The following MAP4 variants were observed in gnomAD, a reference collection of about 807,000 sequenced individuals.
MAP4 encodes microtubule-associated protein 4.
Under a neutral mutation model 170.2 loss-of-function variants are expected in MAP4, and 76 were observed. That is an observed-to-expected ratio of 0.45 (90% CI 0.37 to 0.54). The LOEUF (loss-of-function observed/expected upper bound fraction) is 0.54. MAP4 is among the 20% of genes least tolerant of loss of function. MAP4 has a pLI of 0.00. For synonymous variants in MAP4, 909 were observed against 994.5 expected (o/e 0.91, Z 1.62); for missense variants, 2,506 against 2,748.0 (o/e 0.91, Z 1.97).
At chr3:48,014,836 G>T (rs1426545944) in intron 1 of MAP4, among the ~76,000 whole-genome samples, 1 of 152,154 alleles carries the variant, frequency 6.6e-6, no homozygotes, top group Non-Finnish European at 1.5e-5. Flanking sequence ...TAATTTAAAA[G>T]TGGGTAAGAA....
At chr3:47,884,465 A>C (rs1195554974) in intron 10 of MAP4, among the ~76,000 whole-genome samples, 1 of 152,180 alleles carries the variant, frequency 6.6e-6, no homozygotes, top group African/African-American at 2.4e-5. Context: ...TTTAGCATGC[A>C]ATCACCCTGT....
Position 47,916,159 on chromosome 3 carries a change from T to C in MAP4, c.1668A>G (p.Ala556=), listed in dbSNP as rs1489500962. 3.1e-6 allele frequency: 5 copies of C among 1,614,046 alleles called. No homozygotes were observed. Among genetic ancestry groups the C allele is most frequent in the African/African-American group, 1.3e-5 (1 of 74,922 alleles). ...TCAGAACCCCATCCTTAGCCAGGGG[T>C]GCTTCTGTTTTGAGGGCTGGGACCT... ...EDQVPALKTE[A]PLAKDGVLTL... The change falls in exon 7 of 21, where the codon GCA becomes GCG. Residue 556 remains alanine, a synonymous_variant. Transcript: ENST00000683076.
chr3:47,975,116 T>C, intron 3 of MAP4: 1 of 1,076,174 alleles, frequency 9.3e-7, no homozygotes, highest in Non-Finnish European at 1.1e-6. Context: ...AGGAAAAAAA[T>C]GTGAGAATGA....
intron 1 of MAP4, among the ~76,000 whole-genome samples, chr3:48,029,718 G>A (rs913719434): frequency 6.6e-6 from 1 of 152,096 alleles, no homozygotes; most frequent in Non-Finnish European, 1.5e-5. Context: ...AAAAGAGGTA[G>A]GTCGGGCACG....
intron 3 of MAP4, among the ~76,000 whole-genome samples, chr3:47,947,266 G>A (rs2100060650): frequency 6.6e-6 from 1 of 152,168 alleles, no homozygotes; most frequent in African/African-American, 2.4e-5. Context: ...AGCAGGGTCA[G>A]TGGGTCCTTG....
At chr3:47,988,410 A>T (rs1001689412) in intron 2 of MAP4, among the ~76,000 whole-genome samples, 3 of 152,146 alleles carry the variant, frequency 2.0e-5, no homozygotes, top group African/African-American at 7.2e-5. Flanking sequence ...TAACAGAAAA[A>T]GAGCAGACAA....
chr3:47,891,842 A>G, intron 10 of MAP4: 1 of 1,536,244 alleles, frequency 6.5e-7, no homozygotes, highest in Non-Finnish European at 8.7e-7. Flanking sequence ...TACCACCCCA[A>G]TCACTGGGCA....
In MAP4 at chr3:47,928,318, C is replaced by T; in HGVS notation, c.325G>A (p.Ala109Thr). Reference protein sequence around the residue: ...SPTEFLEEKMAYQEYPNSQNW... With the variant: ...SPTEFLEEKMTYQEYPNSQNW... ...TGGCTATTTGGGTATTCCTGGTAGG[C>T]CATTTTCTCTTCAAGGAATTCAGTT... The change falls in exon 4 of 21, where the codon GCC becomes ACC. Residue 109 changes from alanine to threonine, a missense_variant. Coordinates refer to ENST00000683076, the MANE Select transcript of MAP4 (RefSeq NM_001385682.1). 2 of 1,614,056 alleles carry T rather than the reference C, an allele frequency of 1.2e-6. No individual in the cohort carries two copies. Among genetic ancestry groups the T allele is most frequent in the South Asian group, 1.1e-5 (1 of 91,070 alleles).
rs1003363022 is a variant in MAP4, at chr3:47,914,816, C to A, written c.1999+1G>T. ...GAGTTCATTTTGTTTTCCTAACTTA[C>A]CTGAGGTCTCTGAAGAAAGCTCAGA... On this transcript the variant is annotated splice_donor_variant, in intron 8 of 20. Transcript: ENST00000683076. LOFTEE classifies it high-confidence loss of function. 5.9e-5 allele frequency: 96 copies of A among 1,614,010 alleles called. No homozygotes were observed. Among genetic ancestry groups the A allele is most frequent in the Non-Finnish European group, 7.7e-5 (91 of 1,180,032 alleles).
chr3:47,985,354 C>T (rs894142385), intron 2 of MAP4, among the ~76,000 whole-genome samples: 4 of 151,998 alleles, frequency 2.6e-5, no homozygotes, highest in Non-Finnish European at 5.9e-5. Context: ...TGGAAGACTG[C>T]TTGAGCCTGG....
chr3:47,964,462 G>A (rs2100073619), intron 3 of MAP4, among the ~76,000 whole-genome samples: 1 of 152,166 alleles, frequency 6.6e-6, no homozygotes, highest in Non-Finnish European at 1.5e-5. Flanking sequence ...TTCCATTTAA[G>A]GAGATGGGGA....
chr3:47,978,009 T>C, intron 2 of MAP4, 76 bp from the exon 3 acceptor site: 3 of 953,010 alleles, frequency 3.1e-6, no homozygotes, highest in Non-Finnish European at 5.1e-6. Context: ...GTCTTATTAA[T>C]GGAGTTTTTC....
chr3:47,874,916 T>C (rs952402723), intron 12 of MAP4, among the ~76,000 whole-genome samples: 2 of 151,012 alleles, frequency 1.3e-5, no homozygotes, highest in African/African-American at 5.0e-5. Context: ...ACTATCAGGC[T>C]GACCTAAAGG....
intron 7 of MAP4, 44 bp downstream of exon 7, chr3:47,915,907 C>T: frequency 3.2e-6 from 5 of 1,562,008 alleles, no homozygotes; most frequent in Non-Finnish European, 4.3e-6. Flanking sequence ...CTCGAGACTA[C>T]AACCTGGTAG....
intron 9 of MAP4, among the ~76,000 whole-genome samples, chr3:47,904,086 T>C (rs745486282): frequency 3.3e-5 from 5 of 152,210 alleles, no homozygotes; most frequent in Non-Finnish European, 5.9e-5. Flanking sequence ...TTCCGGAAGC[T>C]TCTGAAGCAA....
At chr3:47,930,410 A>G (rs1179975234) in intron 3 of MAP4, among the ~76,000 whole-genome samples, 3 of 150,530 alleles carry the variant, frequency 2.0e-5, no homozygotes, top group African/African-American at 7.3e-5. Context: ...GCGCCACTGC[A>G]GTCCGCAGTC....
chr3:47,908,603 T>G (rs1392963294), intron 9 of MAP4, among the ~76,000 whole-genome samples: 1 of 152,136 alleles, frequency 6.6e-6, no homozygotes, highest in Non-Finnish European at 1.5e-5. Context: ...AAGCTACATA[T>G]AAATTGAAAA....
upstream of MAP4, among the ~76,000 whole-genome samples, chr3:48,018,217 T>C (rs2154470725): frequency 6.6e-6 from 1 of 152,202 alleles, no homozygotes; most frequent in Admixed American, 6.5e-5. Flanking sequence ...CCCACTGTAG[T>C]TAGTTGTATA....
intron 10 of MAP4, among the ~76,000 whole-genome samples, chr3:47,898,081 T>G (rs1284993553): frequency 1.3e-5 from 2 of 152,216 alleles, no homozygotes; most frequent in African/African-American, 2.4e-5. Flanking sequence ...AATATCTTTC[T>G]ATGGTGCCTT....
Sources: gnomAD v4.1 joint callset for allele counts (sites outside exome capture counted in the v4.1 genomes callset) on GRCh38, gnomAD v4.1.1 for gene constraint, MANE v1.5 for transcripts, NCBI Gene and HGNC (gene_info 2026-07-23, HGNC 2026-07-21) for gene names.